Variants in LHFPL6 observed in about 807,000 individuals in gnomAD.
LHFPL6 encodes the protein LHFPL tetraspan subfamily member 6 protein.
A neutral mutation model predicts 20.6 loss-of-function variants in LHFPL6; 9 were observed. The observed-to-expected ratio is 0.44, with a 90% CI of 0.26 to 0.76. The LOEUF (loss-of-function observed/expected upper bound fraction) is 0.76, where lower values mean the gene tolerates loss of function less well. Ranked by LOEUF, LHFPL6 falls within the 30% of genes least tolerant of loss-of-function variation. LHFPL6 has a pLI of 0.20. For synonymous variants in LHFPL6, 105 were observed against 98.7 expected (o/e 1.06, Z -0.38); for missense variants, 218 against 253.5 (o/e 0.86, Z 0.95).
intron 2 of LHFPL6, among the ~76,000 whole-genome samples, chr13:39,402,958 T>C (rs937011807): frequency 1.3e-5 from 2 of 152,210 alleles, no homozygotes; most frequent in African/African-American, 4.8e-5. Flanking sequence ...AGTACTCAAG[T>C]CCTCACTTTG....
chr13:39,396,233 T>A (rs1313141976), intron 2 of LHFPL6, among the ~76,000 whole-genome samples: 3 of 152,122 alleles, frequency 2.0e-5, no homozygotes, highest in Non-Finnish European at 4.4e-5. Flanking sequence ...ATGGGGCTGC[T>A]CTACCTGCTT....
At chr13:39,540,993 C>T (rs1336737241) in intron 2 of LHFPL6, among the ~76,000 whole-genome samples, 1 of 152,182 alleles carries the variant, frequency 6.6e-6, no homozygotes, top group Admixed American at 6.5e-5. Flanking sequence ...AACAAGTACA[C>T]TGTCACCAAG....
chr13:39,424,035 T>C lies in LHFPL6; in HGVS notation c.386-45509A>G, dbSNP rs1593307796. ...GAAGGAAGAAGGTAAAATCTCTGTA[T>C]TGAACTCCTATGAGCCAGCATATGT... On this transcript the variant is annotated intron_variant, in intron 2 of 3. Coordinates refer to ENST00000379589, the MANE Select transcript of LHFPL6 (RefSeq NM_005780.3). 3.9e-5 allele frequency among the ~76,000 whole-genome samples: 6 copies of C among 152,206 alleles called. No individual in the cohort carries two copies. In the South Asian group the frequency reaches 1.2e-3, roughly 32 times the overall value.
At position 39,590,507 on chromosome 13, in the gene LHFPL6, A is replaced by G. The variant is rs796414558; in HGVS notation, c.385+10325T>C. Among the ~76,000 whole-genome samples the G allele has an allele frequency of 2.0e-5, 3 of 152,300 alleles. No individual in the cohort carries two copies. In the South Asian group the frequency reaches 6.2e-4, roughly 32 times the overall value. ...GCTGATGCTTCAAGGGAGCAACAAG[A>G]TCAATTCTTGTGACATCCAAGAATA... On this transcript the variant is annotated intron_variant, in intron 2 of 3. Coordinates refer to ENST00000379589, the MANE Select transcript of LHFPL6 (RefSeq NM_005780.3).
At chr13:39,596,886 A>C (rs751056620) in intron 2 of LHFPL6, among the ~76,000 whole-genome samples, 1 of 152,246 alleles carries the variant, frequency 6.6e-6, no homozygotes, top group Non-Finnish European at 1.5e-5. Flanking sequence ...TCAGGTTTAC[A>C]GTAAAGCAAG....
rs1262331403 is a variant in LHFPL6, at chr13:39,378,383, A to G, written c.484+45T>C. 2.0e-6 allele frequency: 3 copies of G among 1,491,478 alleles called. No individual in the cohort carries two copies. In the African/African-American group the frequency reaches 4.1e-5, roughly 21 times the overall value. 92.4% of individuals were successfully genotyped at this position (1,491,478 alleles called of 1,614,324 possible). ...TTTCTGCTTCTATGAAACATCAGAT[A>G]AGGTTCTTTTTCTAAAAGGAGTGCC... On this transcript the variant is annotated intron_variant, in intron 3 of 3. Transcript: ENST00000379589.
At chr13:39,486,465 A>G (rs779245850) in intron 2 of LHFPL6, among the ~76,000 whole-genome samples, 1 of 152,244 alleles carries the variant, frequency 6.6e-6, no homozygotes, top group Non-Finnish European at 1.5e-5. Flanking sequence ...GTATACATAC[A>G]CACCTATCCC....
chr13:39,471,211 A>T (rs538397297), intron 2 of LHFPL6, among the ~76,000 whole-genome samples: 2 of 152,320 alleles, frequency 1.3e-5, no homozygotes, highest in East Asian at 3.9e-4. Flanking sequence ...GAAAGACTGA[A>T]GGATGCAGGA....
intron 2 of LHFPL6, among the ~76,000 whole-genome samples, chr13:39,443,210 G>A (rs868109221): frequency 5.9e-5 from 9 of 152,096 alleles, no homozygotes; most frequent in Admixed American, 3.9e-4. Flanking sequence ...GATGAGTTCT[G>A]TCCCCTTTTC....
intron 2 of LHFPL6, among the ~76,000 whole-genome samples, chr13:39,513,214 T>C (rs534117630): frequency 6.6e-6 from 1 of 152,382 alleles, no homozygotes; most frequent in East Asian, 1.9e-4. Flanking sequence ...AGAACTGTTT[T>C]AGTTGTTCTT....
chr13:39,552,719 A>G (rs887835444), intron 2 of LHFPL6, among the ~76,000 whole-genome samples: 1 of 152,260 alleles, frequency 6.6e-6, no homozygotes, highest in Admixed American at 6.5e-5. Context: ...ACATCTTGCA[A>G]TGCACCAGCA....
intron 2 of LHFPL6, among the ~76,000 whole-genome samples, chr13:39,594,587 T>C (rs1872713766): frequency 6.6e-6 from 1 of 152,276 alleles, no homozygotes; most frequent in East Asian, 1.9e-4. Flanking sequence ...GAACTAGAAA[T>C]ACCATTTGAC....
chr13:39,563,970 G>T (rs1871631281), intron 2 of LHFPL6, among the ~76,000 whole-genome samples: 1 of 152,076 alleles, frequency 6.6e-6, no homozygotes, highest in South Asian at 2.1e-4. Flanking sequence ...TCCCCCAAAG[G>T]TGATAAAAAT....
rs57347448 is a variant in LHFPL6, at chr13:39,486,417, A to G, written c.386-107891T>C. Among the ~76,000 whole-genome samples, 409 of 152,330 alleles carry G rather than the reference A, an allele frequency of 2.7e-3. 4 individuals carry two copies. Among genetic ancestry groups the G allele is most frequent in the African/African-American group, 9.2e-3 (383 of 41,576 alleles). On this transcript the variant is annotated intron_variant, in intron 2 of 3. Transcript: ENST00000379589. ...GTCAGCTAACACGGTATTTAAAAAA[A>G]TGTATTGCAACCCTGTCTTAGCACT...
intron 2 of LHFPL6, among the ~76,000 whole-genome samples, chr13:39,551,793 G>C (rs993411920): frequency 6.6e-6 from 1 of 151,946 alleles, no homozygotes; most frequent in Non-Finnish European, 1.5e-5. Flanking sequence ...TTTATTTCTG[G>C]CATCTTCTTT....
At position 39,528,598 on chromosome 13, in the gene LHFPL6, T is replaced by A. The variant is rs549714402; in HGVS notation, c.385+72234A>T. On this transcript the variant is annotated intron_variant, in intron 2 of 3. Coordinates refer to ENST00000379589, the MANE Select transcript of LHFPL6 (RefSeq NM_005780.3). ...CACTTTTACAAATAAACTTCCACGT[T>A]TCCCATCTCGCTCTATGATACTAAA... 8.5e-5 allele frequency among the ~76,000 whole-genome samples: 13 copies of A among 152,306 alleles called. No homozygotes were observed. The South Asian group carries it at 2.7e-3, about 32-fold the overall frequency.
intron 2 of LHFPL6, among the ~76,000 whole-genome samples, chr13:39,507,004 T>C (rs1869508224): frequency 6.6e-6 from 1 of 152,236 alleles, no homozygotes; most frequent in Admixed American, 6.5e-5. Context: ...TGCATGTTTC[T>C]AAACAAGTTT....
chr13:39,387,654 G>A (rs1870601171), intron 2 of LHFPL6, among the ~76,000 whole-genome samples: 1 of 151,986 alleles, frequency 6.6e-6, no homozygotes, highest in South Asian at 2.1e-4. Context: ...CTACTCAAGT[G>A]GTAGATCCAG....
At chr13:39,597,384 C>G (rs1047282190) in intron 2 of LHFPL6, among the ~76,000 whole-genome samples, 2 of 152,154 alleles carry the variant, frequency 1.3e-5, no homozygotes, top group Admixed American at 6.5e-5. Flanking sequence ...CTTACTAATA[C>G]GTGCACCAAA....
Sources: allele counts gnomAD v4.1 joint callset (sites outside exome capture counted in the v4.1 genomes callset), GRCh38; gene constraint gnomAD v4.1.1; transcripts MANE v1.5; gene names NCBI Gene and HGNC (gene_info 2026-07-23, HGNC 2026-07-21).